The following FBLIM1 variants were observed in gnomAD, a reference collection of about 807,000 sequenced individuals.
FBLIM1 encodes the protein filamin-binding LIM protein 1.
FBLIM1 carries 29 observed loss-of-function variants against 37.4 expected under a neutral mutation model. The observed-to-expected ratio is 0.77, with a 90% confidence interval of 0.58 to 1.06. The LOEUF is 1.06. Ranked by LOEUF, FBLIM1 falls within the 50% of genes least tolerant of loss-of-function variation. FBLIM1 has a pLI of 0.00. For missense variants in FBLIM1, 449 were observed against 505.6 expected (o/e 0.89, Z 1.07); for synonymous variants, 193 against 199.0 (o/e 0.97, Z 0.25).
intron 8 of FBLIM1, among the ~76,000 whole-genome samples, chr1:15,780,751 A>G (rs1198080859): frequency 6.6e-6 from 1 of 152,142 alleles, no homozygotes; most frequent in Non-Finnish European, 1.5e-5. Flanking sequence ...GTTCACTCCC[A>G]TTTATTTAAA....
chr1:15,773,681 G>GAA (rs35429082), intron 6 of FBLIM1, among the ~76,000 whole-genome samples: 33 of 106,958 alleles, frequency 3.1e-4, no homozygotes, highest in South Asian at 2.4e-3. Flanking sequence ...CTCCGTCTCA[G>GAA]AAAAAAAAAA....
chr1:15,777,626 C>T (rs962059116), intron 8 of FBLIM1, among the ~76,000 whole-genome samples: 4 of 143,228 alleles, frequency 2.8e-5, no homozygotes, highest in Admixed American at 7.6e-5. Context: ...CAGGCTGGAG[C>T]GAAGTGGTGC....
chr1:15,778,948 T>C lies in FBLIM1; in HGVS notation c.1008+1661T>C, dbSNP rs150261272. ...TGAGCCACCGTGCCCAGCGTTTTTT[T>C]ATTTTTGAGACAGTCTCACTCTGTC... On this transcript the variant is annotated intron_variant, in intron 8 of 8. Transcript: ENST00000375766. Among the ~76,000 whole-genome samples, 18 of 148,788 alleles carry C rather than the reference T, an allele frequency of 1.2e-4. No individual in the cohort carries two copies. The East Asian group carries it at 3.7e-3, about 30-fold the overall frequency.
intron 1 of FBLIM1, among the ~76,000 whole-genome samples, chr1:15,761,050 G>A (rs980957048): frequency 6.6e-6 from 1 of 152,138 alleles, no homozygotes; most frequent in Non-Finnish European, 1.5e-5. Flanking sequence ...GTGAACATCT[G>A]GCCTCAGTGC....
At chr1:15,779,185 C>T (rs947236117) in intron 8 of FBLIM1, among the ~76,000 whole-genome samples, 2 of 152,102 alleles carry the variant, frequency 1.3e-5, no homozygotes, top group Non-Finnish European at 2.9e-5. Flanking sequence ...ATCCACCTGC[C>T]TCGGCCTCCC....
chr1:15,783,347 A>C (rs2069690962), intron 8 of FBLIM1, among the ~76,000 whole-genome samples: 1 of 152,126 alleles, frequency 6.6e-6, no homozygotes, highest in African/African-American at 2.4e-5. Flanking sequence ...GTGGAGTCAC[A>C]GAAAGGCCCC....
At chr1:15,766,469 G>A (rs1165262538) in intron 3 of FBLIM1, among the ~76,000 whole-genome samples, 1 of 151,910 alleles carries the variant, frequency 6.6e-6, no homozygotes, top group Non-Finnish European at 1.5e-5. Flanking sequence ...GCTGATTTTT[G>A]TATTTTTAGT....
In FBLIM1 at chr1:15,770,391, G is replaced by A. The variant is rs749728354; in HGVS notation, c.542-18G>A. ...TCACAGGCTGGGCTGGTGATGGCCT[G>A]TGTCTCCCCTACCCCAGACATCTGT... On this transcript the variant is annotated intron_variant, in intron 5 of 8. Transcript: ENST00000375766. 6.2e-7 allele frequency: 1 copy of A among 1,608,728 alleles called. No homozygotes were observed. Among genetic ancestry groups the A allele is most frequent in the South Asian group, 1.1e-5 (1 of 90,940 alleles).
intron 6 of FBLIM1, among the ~76,000 whole-genome samples, chr1:15,771,753 C>T (rs546305300): frequency 1.3e-5 from 2 of 151,884 alleles, no homozygotes; most frequent in East Asian, 1.9e-4. Flanking sequence ...CCTCTTTTGC[C>T]GGGCAAGGTA....
chr1:15,780,221 C>CT (rs1470267450), intron 8 of FBLIM1, among the ~76,000 whole-genome samples: 2 of 151,398 alleles, frequency 1.3e-5, no homozygotes, highest in African/African-American at 4.9e-5. Context: ...TTTGTAGAGA[C>CT]TGAGTCTCAC....
chr1:15,768,724 C>A, intron 5 of FBLIM1, 94 bp downstream of exon 5: 2 of 795,234 alleles, frequency 2.5e-6, no homozygotes, highest in East Asian at 3.2e-5. Context: ...CCCCTCTTCC[C>A]ATCCCCACCC....
chr1:15,774,585 C>A, intron 6 of FBLIM1, 33 bp from the exon 7 acceptor site: 1 of 1,585,570 alleles, frequency 6.3e-7, no homozygotes, highest in South Asian at 1.2e-5. Flanking sequence ...GTGGGTGTGT[C>A]GTGGATGGTT....
At chr1:15,782,263 C>CCAGG (rs2069662848) in intron 8 of FBLIM1, among the ~76,000 whole-genome samples, 1 of 151,564 alleles carries the variant, frequency 6.6e-6, no homozygotes. Flanking sequence ...TAAAAATTAG[C>CCAGG]CAGGCATGGT....
In FBLIM1 at chr1:15,765,048, G is replaced by A. The variant is rs540511146; in HGVS notation, c.65G>A (p.Arg22His). Reference sequence around the variant, plus strand: ...TTTATCACCCTGGCACCCCCGCGCCGCGATGTGGCCGTGGCGGAGGAAGTG... The same window carrying A: ...TTTATCACCCTGGCACCCCCGCGCCACGATGTGGCCGTGGCGGAGGAAGTG... ...SVFITLAPPRRDVAVAEEVRQ... is the reference protein window; with the variant it reads ...SVFITLAPPRHDVAVAEEVRQ... Residue 22 changes from arginine to histidine, a missense_variant, in exon 3 of 9, where the codon CGC becomes CAC. Arg to His is a conservative substitution (Grantham distance 29, BLOSUM62 0). Coordinates refer to ENST00000375766, the MANE Select transcript of FBLIM1 (RefSeq NM_017556.4). The surrounding 1 kb of genome is among the most constrained non-coding windows in gnomAD (Gnocchi z 5.9). 4.3e-5 allele frequency: 70 copies of A among 1,614,112 alleles called. No individual in the cohort carries two copies. The highest frequency in any genetic ancestry group is 4.1e-4 in the South Asian group (37 of 91,066).
intron 8 of FBLIM1, among the ~76,000 whole-genome samples, chr1:15,783,122 T>G (rs1246173571): frequency 1.3e-5 from 2 of 151,926 alleles, no homozygotes; most frequent in African/African-American, 4.8e-5. Flanking sequence ...GTGGGATCAG[T>G]GCAGCTTCCA....
chr1:15,779,012 G>A (rs952247657), intron 8 of FBLIM1, among the ~76,000 whole-genome samples: 1 of 151,450 alleles, frequency 6.6e-6, no homozygotes, highest in Admixed American at 6.6e-5. Context: ...TTGGCTTACT[G>A]CAACCTCCAG....
chr1:15,759,950 G>A (rs935508354), intron 1 of FBLIM1, among the ~76,000 whole-genome samples: 1 of 152,278 alleles, frequency 6.6e-6, no homozygotes, highest in African/African-American at 2.4e-5. Flanking sequence ...CTGGCCGGGA[G>A]CGGTGGCTCA....
chr1:15,767,987 G>A (rs2069008013), intron 4 of FBLIM1, among the ~76,000 whole-genome samples: 1 of 152,074 alleles, frequency 6.6e-6, no homozygotes, highest in Admixed American at 6.6e-5. Context: ...AGGTTCAAGC[G>A]ATTCTCCTGC....
rs1429787154 is a variant in FBLIM1, at chr1:15,774,628, A to G, written c.722A>G (p.Glu241Gly). The G allele has an allele frequency of 2.5e-6, 4 of 1,613,004 alleles. No individual in the cohort carries two copies. Among genetic ancestry groups the G allele is most frequent in the Middle Eastern group, 1.6e-4 (1 of 6,078 alleles). ...LCEPCYQDTLERCGKCGEVVR... is the reference protein window; with the variant it reads ...LCEPCYQDTLGRCGKCGEVVR... ...TGGCCTCTGTCCTAGGACACACTGG[A>G]GAGGTGCGGCAAGTGTGGCGAGGTG... The change falls in exon 7 of 9, where the codon GAG (glutamate) becomes GGG (glycine). Residue 241 changes from glutamate (E) to glycine (G), a missense_variant. Glu to Gly is a moderately conservative substitution (Grantham distance 98, BLOSUM62 -2). Coordinates refer to ENST00000375766, the MANE Select transcript of FBLIM1 (RefSeq NM_017556.4).
Sources: allele counts gnomAD v4.1 joint callset (sites outside exome capture counted in the v4.1 genomes callset), GRCh38; gene constraint gnomAD v4.1.1; non-coding constraint Gnocchi (gnomAD v3.1); transcripts MANE v1.5; gene names NCBI Gene and HGNC (gene_info 2026-07-23, HGNC 2026-07-21).